SLC12A1: variants seen among roughly 807,000 people sequenced by gnomAD.
SLC12A1 encodes solute carrier family 12 member 1.
In SLC12A1, 89 loss-of-function variants were observed where a neutral mutation model predicts 130.4. The ratio of observed to expected loss-of-function variants is 0.68; its 90% CI spans 0.58 to 0.81. The LOEUF is 0.81. Ranked by LOEUF, SLC12A1 falls within the 40% of genes least tolerant of loss-of-function variation. The pLI, the probability that SLC12A1 is intolerant of heterozygous loss-of-function variation, is 0.00. For synonymous variants in SLC12A1, 499 were observed against 460.0 expected (o/e 1.08, Z -1.09); for missense variants, 1,310 against 1,336.4 (o/e 0.98, Z 0.31).
chr15:48,293,107 C>G (rs2042138550), intron 24 of SLC12A1, among the ~76,000 whole-genome samples: 1 of 152,164 alleles, frequency 6.6e-6, no homozygotes, highest in Admixed American at 6.5e-5. Flanking sequence ...CAGGCTTTCG[C>G]CATGTTGCCC....
chr15:48,211,708 T>C (rs1395444213), intron 2 of SLC12A1, among the ~76,000 whole-genome samples: 1 of 152,292 alleles, frequency 6.6e-6, no homozygotes, highest in South Asian at 2.1e-4. Context: ...GAAAACCAGT[T>C]GGATTTTGCG....
At chr15:48,223,523 A>G (rs1328457944) in intron 4 of SLC12A1, 1 of 152,254 alleles carries the variant, frequency 6.6e-6, no homozygotes, top group Non-Finnish European at 1.5e-5. Context: ...AAATATATAC[A>G]ATGCAAAAGG....
At position 48,285,072 on chromosome 15, in the gene SLC12A1, G is replaced by A. The variant is rs767103431; in HGVS notation, c.2486-34G>A. On this transcript the variant is annotated intron_variant, in intron 20 of 26. Coordinates refer to ENST00000380993, the MANE Select transcript of SLC12A1 (RefSeq NM_000338.3). ...TTGTTTCTAGAAACTTTGTAGTTCTGAGTTAAGTAGGTGATTTTGTCTTCT... is the reference window on the plus strand; with the variant it reads ...TTGTTTCTAGAAACTTTGTAGTTCTAAGTTAAGTAGGTGATTTTGTCTTCT... 2.6e-6 allele frequency: 4 copies of A among 1,511,256 alleles called. No homozygotes were observed. The South Asian group carries it at 4.2e-5, about 16-fold the overall frequency. The allele number at this position is 1,511,256 out of a possible 1,614,324, so 93.6% of individuals were successfully genotyped here. A position where few individuals can be genotyped will look rare whatever the true frequency, so the allele number is the denominator to read the frequency against.
intron 20 of SLC12A1, among the ~76,000 whole-genome samples, chr15:48,276,030 T>C (rs2041949471): frequency 6.6e-6 from 1 of 151,894 alleles, no homozygotes; most frequent in Non-Finnish European, 1.5e-5. Flanking sequence ...TCAGTAGGGA[T>C]GGAGAGAAAA....
intron 20 of SLC12A1, among the ~76,000 whole-genome samples, chr15:48,280,849 TACAC>T (rs149293315): frequency 6.6e-6 from 1 of 151,446 alleles, no homozygotes; most frequent in Non-Finnish European, 1.5e-5. Context: ...CACACACACA[TACAC>T]ACACACACAC....
At chr15:48,268,644 C>G (rs905954404) in intron 18 of SLC12A1, among the ~76,000 whole-genome samples, 2 of 152,122 alleles carry the variant, frequency 1.3e-5, no homozygotes, top group African/African-American at 4.8e-5. Flanking sequence ...GATGCACGTA[C>G]AGAGAAACAA....
intron 4 of SLC12A1, chr15:48,223,315 G>A (rs2041240590): frequency 6.6e-6 from 1 of 152,184 alleles, no homozygotes; most frequent in African/African-American, 2.4e-5. Context: ...AATTCAGTAG[G>A]TCTGAGCATT....
At chr15:48,247,708 A>T (rs2141059023) in intron 13 of SLC12A1, among the ~76,000 whole-genome samples, 1 of 152,262 alleles carries the variant, frequency 6.6e-6, no homozygotes, top group Middle Eastern at 3.4e-3. Flanking sequence ...ATGACGCTGA[A>T]TCCTTCCTCC....
chr15:48,298,096 T>C (rs531533554), intron 24 of SLC12A1, among the ~76,000 whole-genome samples: 14 of 152,362 alleles, frequency 9.2e-5, no homozygotes, highest in African/African-American at 3.4e-4. Context: ...TGCACTTTTA[T>C]CTGCAAATCC....
At chr15:48,218,391 A>T (rs1208580985) in intron 2 of SLC12A1, among the ~76,000 whole-genome samples, 11 of 152,124 alleles carry the variant, frequency 7.2e-5, no homozygotes, top group Admixed American at 7.2e-4. Context: ...AAGCAAATAA[A>T]TAAAAAGACA....
In SLC12A1 at chr15:48,221,012, C is replaced by T. The variant is rs1321327104; in HGVS notation, c.628+16C>T. On this transcript the variant is annotated intron_variant, in intron 4 of 26. Coordinates refer to ENST00000380993, the MANE Select transcript of SLC12A1 (RefSeq NM_000338.3). ...GCTGGAATTGGTAAGCATTTTTCCC[C>T]TCCTAAATAATTTTGCATGTAAATC... is the stretch of plus-strand genomic sequence containing the variant. 6.2e-7 allele frequency: 1 copy of T among 1,611,004 alleles called. No homozygotes were observed. Among genetic ancestry groups the T allele is most frequent in the Non-Finnish European group, 8.5e-7 (1 of 1,177,232 alleles).
chr15:48,291,999 C>A (rs1665779954), intron 24 of SLC12A1, 135 bp downstream of exon 24: 3 of 613,522 alleles, frequency 4.9e-6, no homozygotes. Flanking sequence ...GAAGAGCCTT[C>A]AAATAAGCAT....
At position 48,229,173 on chromosome 15, in the gene SLC12A1, T is replaced by TC. The variant is rs1402184508; in HGVS notation, c.725-15dup. ...AGCAGTTCCTCAATGTGAAGTATGT[T>TC]CATTTCTTGTTTCAGGTGGGGCCTA... On this transcript the variant is annotated splice_polypyrimidine_tract_variant and intron_variant, in intron 5 of 26. Transcript: ENST00000380993. The TC allele has an allele frequency of 1.3e-6, 2 of 1,579,016 alleles. No individual in the cohort carries two copies. The highest frequency in any genetic ancestry group is 2.3e-5 in the East Asian group (1 of 43,802).
chr15:48,269,990 G>C (rs1475166042), intron 19 of SLC12A1, among the ~76,000 whole-genome samples: 1 of 152,162 alleles, frequency 6.6e-6, no homozygotes, highest in African/African-American at 2.4e-5. Flanking sequence ...GCCCGTGTCA[G>C]AGAAAAAAGT....
At chr15:48,212,410 C>T (rs547255961) in intron 2 of SLC12A1, among the ~76,000 whole-genome samples, 173 of 152,250 alleles carry the variant, frequency 1.1e-3, no homozygotes, top group African/African-American at 4.0e-3. Context: ...ATGTACCAGA[C>T]GTATTTTCCA....
At position 48,291,858 on chromosome 15, in the gene SLC12A1, AAG is replaced by A. The variant is rs1597459162; in HGVS notation, c.2959_2960del (p.Ser987LeufsTer5). On this transcript the variant is annotated frameshift_variant, in exon 24 of 27. Transcript: ENST00000380993. LOFTEE classifies it high-confidence loss of function. ...GGTGACATCAACATTAGGCCAAACA[AAG>A]AGAGGTATGAAATATTTAACAAGAG... The A allele has an allele frequency of 6.4e-7, 1 of 1,551,192 alleles. No individual in the cohort carries two copies. The highest frequency in any genetic ancestry group is 1.4e-5 in the African/African-American group (1 of 73,600).
intron 11 of SLC12A1, among the ~76,000 whole-genome samples, chr15:48,245,349 T>C (rs904085446): frequency 5.3e-5 from 8 of 152,218 alleles, no homozygotes; most frequent in African/African-American, 1.9e-4. Context: ...ACAAGTAGCC[T>C]CTGTTCACTG....
intron 3 of SLC12A1, 56 bp downstream of exon 3, chr15:48,220,821 T>C: frequency 6.2e-7 from 1 of 1,612,866 alleles, no homozygotes; most frequent in Non-Finnish European, 8.5e-7. Context: ...TTCTAGTGGA[T>C]TAAGAGTGAA....
chr15:48,226,355 C>T (rs2041285651), intron 4 of SLC12A1, 121 bp from the exon 5 acceptor site: 1 of 607,522 alleles, frequency 1.6e-6, no homozygotes, highest in Non-Finnish European at 2.9e-6. Context: ...CACAAAGAAA[C>T]CCCGTTGGAG....
Sources: allele counts gnomAD v4.1 joint callset (sites outside exome capture counted in the v4.1 genomes callset), GRCh38; gene constraint gnomAD v4.1.1; transcripts MANE v1.5; gene names NCBI Gene and HGNC (gene_info 2026-07-23, HGNC 2026-07-21).